The following CELF4 variants were observed in gnomAD, a reference collection of about 807,000 sequenced individuals.
CELF4 encodes the protein CUGBP Elav-like family member 4.
A neutral mutation model predicts 59.9 loss-of-function variants in CELF4; 18 were observed. The observed-to-expected ratio is 0.30, with a 90% confidence interval of 0.21 to 0.45. The LOEUF (loss-of-function observed/expected upper bound fraction) is 0.45. Among genes scored for constraint, CELF4 ranks in the 20% least tolerant of loss-of-function variants. The pLI is 1.00. For synonymous variants in CELF4, 261 were observed against 267.1 expected (o/e 0.98, Z 0.22); for missense variants, 456 against 689.0 (o/e 0.66, Z 3.79).
chr18:37,351,796 T>C (rs1432115310), intron 2 of CELF4, among the ~76,000 whole-genome samples: 2 of 152,040 alleles, frequency 1.3e-5, no homozygotes, highest in Non-Finnish European at 2.9e-5. Context: ...GTATTTTTAG[T>C]AGAGACAGGA....
chr18:37,537,632 T>C (rs2099974570), intron 1 of CELF4, among the ~76,000 whole-genome samples: 1 of 152,236 alleles, frequency 6.6e-6, no homozygotes, highest in Non-Finnish European at 1.5e-5. Context: ...AGGGGCTGTT[T>C]ATTTTATTTC....
rs1466768028 is a variant in CELF4, at chr18:37,246,525, T to C, written c.*45-1328A>G. Among the ~76,000 whole-genome samples, 1 of 152,080 alleles carries C rather than the reference T, an allele frequency of 6.6e-6. No homozygotes were observed. Among genetic ancestry groups the C allele is most frequent in the Non-Finnish European group, 1.5e-5 (1 of 67,994 alleles). ...TGCAGAGGCCTCTGGCTTTGTACTC[T>C]AGTTTTTTGGTTTAGAATTTTTTTA... On this transcript the variant is annotated intron_variant, in intron 12 of 12. Transcript: ENST00000420428. The surrounding 1 kb of genome is among the most constrained non-coding windows in gnomAD (Gnocchi z 5.3).
chr18:37,476,723 G>T (rs758678354), intron 2 of CELF4, among the ~76,000 whole-genome samples: 18 of 152,306 alleles, frequency 1.2e-4, no homozygotes, highest in Admixed American at 4.6e-4. Flanking sequence ...CGGAGCAGGA[G>T]CTCACACAGA....
chr18:37,409,246 C>A (rs2099414374), intron 2 of CELF4, among the ~76,000 whole-genome samples: 1 of 152,184 alleles, frequency 6.6e-6, no homozygotes, highest in Non-Finnish European at 1.5e-5. Context: ...GCCTCTTGCC[C>A]TTTTGATGAC....
intron 2 of CELF4, among the ~76,000 whole-genome samples, chr18:37,430,029 C>A (rs1295393998): frequency 6.6e-6 from 1 of 152,244 alleles, no homozygotes; most frequent in Non-Finnish European, 1.5e-5. Context: ...TCAGGCACCT[C>A]CTCCTTCAGC....
chr18:37,390,182 G>T lies in CELF4; in HGVS notation c.370-68301C>A, dbSNP rs543783304. 4.6e-5 allele frequency among the ~76,000 whole-genome samples: 7 copies of T among 152,296 alleles called. No homozygotes were observed. The East Asian group carries it at 1.4e-3, about 29-fold the overall frequency. On this transcript the variant is annotated intron_variant, in intron 2 of 12. Coordinates refer to ENST00000420428, the MANE Select transcript of CELF4 (RefSeq NM_020180.4). The stretch of plus-strand genomic sequence containing the variant: ...AGGTGGCATATGTCCATGAGCGTGC[G>T]CCACATGGGAGCCTGCAGCGTGGGT...
chr18:37,544,912 G>A (rs2099980353), intron 1 of CELF4, among the ~76,000 whole-genome samples: 1 of 152,198 alleles, frequency 6.6e-6, no homozygotes, highest in African/African-American at 2.4e-5. Context: ...TGGACAGGGA[G>A]CTGATCCTGG....
rs138625570 is a variant in CELF4 at position 37,274,360 on chromosome 18, A to G, written c.752T>C (p.Phe251Ser). The G allele has an allele frequency of 2.5e-6, 4 of 1,613,458 alleles. No individual in the cohort carries two copies. Among genetic ancestry groups the G allele is most frequent in the Non-Finnish European group, 3.4e-6 (4 of 1,179,974 alleles). Residue 251 changes from phenylalanine (F) to serine (S), a missense_variant, in exon 6 of 13, where the codon TTC becomes TCC. This residue lies in a region of CELF4 where 256 missense variants were observed against 340.8 expected (regional missense o/e 0.75). Transcript: ENST00000420428. Reference protein sequence around the residue: ...MQQMAGQMGMFNPMAIPFGAY... With the variant: ...MQQMAGQMGMSNPMAIPFGAY... ...CCCGAAAGGGATGGCCATGGGGTTG[A>G]ACATGCCCATCTGGCCAGCCATCTG...
intron 2 of CELF4, among the ~76,000 whole-genome samples, chr18:37,360,101 C>A (rs2098678159): frequency 6.6e-6 from 1 of 152,154 alleles, no homozygotes; most frequent in Admixed American, 6.5e-5. Flanking sequence ...AATCCACCCG[C>A]CTCGGCCTCC....
chr18:37,425,770 C>T (rs931194562), intron 2 of CELF4, among the ~76,000 whole-genome samples: 3 of 152,246 alleles, frequency 2.0e-5, no homozygotes, highest in African/African-American at 7.2e-5. Flanking sequence ...AGCTGCTTGG[C>T]GAAAGCCCTT....
At chr18:37,520,688 T>C (rs938196958) in intron 1 of CELF4, among the ~76,000 whole-genome samples, 3 of 152,132 alleles carry the variant, frequency 2.0e-5, no homozygotes, top group Non-Finnish European at 4.4e-5. Context: ...CTGAGGCCTA[T>C]GAAGGCTTGG....
intron 1 of CELF4, among the ~76,000 whole-genome samples, chr18:37,532,848 C>T (rs1354713199): frequency 6.6e-6 from 1 of 152,162 alleles, no homozygotes; most frequent in Admixed American, 6.5e-5. Context: ...AGAAAGTGCT[C>T]TTTACATGAG....
At chr18:37,532,661 G>T (rs1364154488) in intron 1 of CELF4, among the ~76,000 whole-genome samples, 1 of 152,052 alleles carries the variant, frequency 6.6e-6, no homozygotes, top group Non-Finnish European at 1.5e-5. Flanking sequence ...AGGTGACATG[G>T]TGTTAATTTT....
chr18:37,507,887 A>ATG (rs2099939908), intron 1 of CELF4, among the ~76,000 whole-genome samples: 1 of 152,046 alleles, frequency 6.6e-6, no homozygotes, highest in African/African-American at 2.4e-5. Flanking sequence ...GGGTTCTGCC[A>ATG]CGCTGGTGAT....
intron 2 of CELF4, among the ~76,000 whole-genome samples, chr18:37,340,517 C>G (rs2097965962): frequency 6.6e-6 from 1 of 152,204 alleles, no homozygotes; most frequent in African/African-American, 2.4e-5. Flanking sequence ...TGTGGCTGAT[C>G]ATTCATTAAT....
intron 2 of CELF4, among the ~76,000 whole-genome samples, chr18:37,370,558 G>T (rs1223790816): frequency 1.3e-5 from 2 of 152,198 alleles, no homozygotes; most frequent in East Asian, 1.9e-4. Context: ...TGCCTATGAT[G>T]ATCTAACCCC....
rs1314568421 is a variant in CELF4 at position 37,254,249 on chromosome 18, AC to A, written c.1334-312del. ...GCGCTGGGAGAGGCGCCCGCCCCCC[AC>A]CCCCGCCGGCCCCGGCACCTCAGCC... On this transcript the variant is annotated intron_variant, in intron 11 of 12. Coordinates refer to ENST00000420428, the MANE Select transcript of CELF4 (RefSeq NM_020180.4). This position sits in a 1 kb window ranked among gnomAD's most constrained non-coding sequence, Gnocchi z 5.1. 6.9e-6 allele frequency among the ~76,000 whole-genome samples: 1 copy of A among 144,362 alleles called. No individual in the cohort carries two copies. The highest frequency in any genetic ancestry group is 1.5e-5 in the Non-Finnish European group (1 of 64,952). 94.7% of individuals were successfully genotyped at this position (144,362 alleles called of 152,430 possible).
In CELF4 at chr18:37,253,417, C is replaced by G. The variant is rs1156668914; in HGVS notation, c.*44+350G>C. Among the ~76,000 whole-genome samples the G allele has an allele frequency of 6.6e-6, 1 of 152,178 alleles. No homozygotes were observed. Among genetic ancestry groups the G allele is most frequent in the Non-Finnish European group, 1.5e-5 (1 of 68,016 alleles). The stretch of plus-strand genomic sequence containing the variant: ...TTCTGGGTAGAGCCTGTTCTGCCCC[C>G]AACCTCCCTCAGCCTGAGCTTGCCA... On this transcript the variant is annotated intron_variant, in intron 12 of 12. Coordinates refer to ENST00000420428, the MANE Select transcript of CELF4 (RefSeq NM_020180.4). The surrounding 1 kb of genome is among the most constrained non-coding windows in gnomAD (Gnocchi z 4.5).
At position 37,548,105 on chromosome 18, in the gene CELF4, G is replaced by A. The variant is rs1298688394; in HGVS notation, c.286+17251C>T. ...TCTGTATGAGGGTGTGTCTGTGTGA[G>A]TTATCTCTTTGTTTCCATAAATGTG... On this transcript the variant is annotated intron_variant, in intron 1 of 12. Coordinates refer to ENST00000420428, the MANE Select transcript of CELF4 (RefSeq NM_020180.4). 3.9e-5 allele frequency among the ~76,000 whole-genome samples: 6 copies of A among 152,102 alleles called. No homozygotes were observed. In the South Asian group the frequency reaches 1.0e-3, roughly 26 times the overall value.
Sources: gnomAD v4.1 joint callset for allele counts (sites outside exome capture counted in the v4.1 genomes callset) on GRCh38, gnomAD v4.1.1 for gene constraint, gnomAD v4.1.1 regional missense constraint, Gnocchi (gnomAD v3.1) non-coding constraint, MANE v1.5 for transcripts, NCBI Gene and HGNC (gene_info 2026-07-23, HGNC 2026-07-21) for gene names.